Variants in TRIO observed in about 807,000 individuals in gnomAD.
TRIO encodes triple functional domain protein.
A neutral mutation model predicts 351.9 loss-of-function variants in TRIO; 58 were observed. The observed-to-expected ratio is 0.16, with a 90% CI of 0.13 to 0.21. TRIO has a LOEUF of 0.21. Ranked by LOEUF, TRIO falls within the 10% of genes least tolerant of loss-of-function variation. TRIO has a pLI of 1.00. For synonymous variants in TRIO, 1,758 were observed against 1,595.7 expected, an observed-to-expected ratio of 1.10 and a Z score of -2.42; for missense variants, 3,201 against 4,027.8, an observed-to-expected ratio of 0.79 and a Z score of 5.56.
At chr5:14,155,821 A>C (rs1033714119) in intron 1 of TRIO, among the ~76,000 whole-genome samples, 5 of 152,170 alleles carry the variant, frequency 3.3e-5, no homozygotes, top group Admixed American at 3.3e-4. Context: ...TCCCTTTGTC[A>C]TTAGTTAGCA....
chr5:14,170,005 A>G (rs250842), intron 1 of TRIO, among the ~76,000 whole-genome samples: 102,620 of 152,060 alleles, frequency 0.67, 36,320 homozygotes, highest in African/African-American at 0.9. Context: ...AGCCAATGAA[A>G]TTGGGGAGAG....
intron 31 of TRIO, among the ~76,000 whole-genome samples, chr5:14,401,414 G>A (rs1579544269): frequency 6.6e-6 from 1 of 152,160 alleles, no homozygotes; most frequent in Non-Finnish European, 1.5e-5. Flanking sequence ...CTCTGATTGC[G>A]CACTTGACCT....
Position 14,488,172 on chromosome 5 carries a change from G to C in TRIO, c.7544G>C (p.Arg2515Pro), listed in dbSNP as rs1049938411. The C allele has an allele frequency of 1.2e-6, 2 of 1,602,398 alleles. No homozygotes were observed. The highest frequency in any genetic ancestry group is 1.7e-6 in the Non-Finnish European group (2 of 1,179,058). ...GACTCCCTCCAGCGGCAGACACCCC[G>C]CCACGCGGCCCCTGGCAAGGATACT... is the stretch of plus-strand genomic sequence containing the variant. ...DSDSLQRQTP[R>P]HAAPGKDTDR... The change falls in exon 48 of 57, where the codon CGC becomes CCC. Residue 2515 changes from arginine to proline, a missense_variant. Physicochemically the swap from Arg to Pro is moderately radical, Grantham distance 103. Transcript: ENST00000344204.
chr5:14,185,251 T>A (rs779381816), intron 1 of TRIO, among the ~76,000 whole-genome samples: 2 of 150,320 alleles, frequency 1.3e-5, no homozygotes, highest in Non-Finnish European at 2.9e-5. Context: ...ACAGTGAAAG[T>A]TCTGGAGGAT....
intron 11 of TRIO, among the ~76,000 whole-genome samples, chr5:14,337,877 C>A (rs973786096): frequency 2.6e-5 from 4 of 152,284 alleles, no homozygotes; most frequent in Non-Finnish European, 5.9e-5. Flanking sequence ...CCCGGGCTGG[C>A]AGCTGGCTCT....
intron 46 of TRIO, among the ~76,000 whole-genome samples, chr5:14,484,637 A>T (rs1021500476): frequency 1.3e-5 from 2 of 152,176 alleles, no homozygotes; most frequent in Non-Finnish European, 1.5e-5. Context: ...TAAATGTTCC[A>T]TCTTTAATTA....
At chr5:14,401,126 G>A in intron 31 of TRIO, 62 bp downstream of exon 31, 1 of 1,381,022 alleles carries the variant, frequency 7.2e-7, no homozygotes, top group South Asian at 1.2e-5. Context: ...ATCCATGCTT[G>A]CTTTTCCGTT....
chr5:14,476,813 AAAAAG>A, intron 40 of TRIO, 76 bp from the exon 41 acceptor site: 2 of 1,241,862 alleles, frequency 1.6e-6, no homozygotes, highest in Non-Finnish European at 2.2e-6. Flanking sequence ...AGAAAAAAAG[AAAAAG>A]AAAAAATGTA....
At chr5:14,257,233 C>T (rs553053715) in intron 1 of TRIO, among the ~76,000 whole-genome samples, 137 of 152,334 alleles carry the variant, frequency 9.0e-4, no homozygotes, top group Non-Finnish European at 1.4e-3. Context: ...GGCACCTCCA[C>T]CAGATCCAGG....
At chr5:14,303,006 G>A (rs554548532) in intron 7 of TRIO, among the ~76,000 whole-genome samples, 2 of 152,316 alleles carry the variant, frequency 1.3e-5, no homozygotes, top group South Asian at 2.1e-4. Flanking sequence ...TGTCAGTGGA[G>A]GAGATTGAGC....
intron 18 of TRIO, among the ~76,000 whole-genome samples, chr5:14,370,176 G>A (rs1744968056): frequency 6.6e-6 from 1 of 150,946 alleles, no homozygotes; most frequent in Admixed American, 6.6e-5. Context: ...CCAGGCTGGA[G>A]TGCAGTAGTG....
chr5:14,203,211 A>AT (rs1478166043), intron 1 of TRIO, among the ~76,000 whole-genome samples: 1 of 152,060 alleles, frequency 6.6e-6, no homozygotes, highest in African/African-American at 2.4e-5. Context: ...TGCATTAAGG[A>AT]TTTTTCCAAA....
At chr5:14,479,187 A>G (rs1397449661) in intron 41 of TRIO, 74 bp from the exon 42 acceptor site, 2 of 1,254,266 alleles carry the variant, frequency 1.6e-6, no homozygotes, top group East Asian at 2.3e-5. Context: ...ATGTGCTGAA[A>G]TGTGCGGGTA....
intron 16 of TRIO, 134 bp downstream of exon 16, chr5:14,367,113 T>C: frequency 3.2e-6 from 4 of 1,253,348 alleles, no homozygotes; most frequent in Non-Finnish European, 4.3e-6. Flanking sequence ...GGACCCAAAT[T>C]GGCAACGCTT....
intron 34 of TRIO, among the ~76,000 whole-genome samples, chr5:14,433,646 T>C (rs1175665714): frequency 1.3e-5 from 2 of 152,234 alleles, no homozygotes; most frequent in African/African-American, 4.8e-5. Context: ...TGTGTGCTCC[T>C]TTTAATAATT....
chr5:14,364,294 A>G (rs1744408769), intron 14 of TRIO, among the ~76,000 whole-genome samples: 1 of 152,230 alleles, frequency 6.6e-6, no homozygotes, highest in Admixed American at 6.5e-5. Flanking sequence ...TTAGAAACTT[A>G]GCAACAACCT....
At chr5:14,283,259 C>A (rs1736159359) in intron 3 of TRIO, among the ~76,000 whole-genome samples, 1 of 152,096 alleles carries the variant, frequency 6.6e-6, no homozygotes, top group Non-Finnish European at 1.5e-5. Flanking sequence ...TGTCTTGGGG[C>A]CTGTGAGACC....
chr5:14,239,010 G>A (rs1417481430), intron 1 of TRIO, among the ~76,000 whole-genome samples: 1 of 152,200 alleles, frequency 6.6e-6, no homozygotes, highest in African/African-American at 2.4e-5. Context: ...GGCTTGTGCT[G>A]TTGGACTTAT....
Position 14,419,814 on chromosome 5 carries a change from G to A in TRIO, c.4996G>A (p.Asp1666Asn), listed in dbSNP as rs1749962897. 1 of 1,614,182 alleles carries A rather than the reference G, an allele frequency of 6.2e-7. No individual in the cohort carries two copies. The highest frequency in any genetic ancestry group is 8.5e-7 in the Non-Finnish European group (1 of 1,180,044). ...CTGTGAGCTGACAGTGGTGATCCAT[G>A]ACTTCACCGCTTGCAACAGCAACGA... is the stretch of plus-strand genomic sequence containing the variant. ...GGCELTVVIH[D>N]FTACNSNELT... Residue 1666 changes from aspartate to asparagine, a missense_variant, in exon 34 of 57, where the codon GAC becomes AAC. Physicochemically the swap from Asp to Asn is conservative, Grantham distance 23 (BLOSUM62 1). Around this residue, in one of 19 missense-constraint regions of TRIO, gnomAD observed 136 missense variants for 229.5 expected, o/e 0.59. Transcript: ENST00000344204.
Sources: allele counts gnomAD v4.1 joint callset (sites outside exome capture counted in the v4.1 genomes callset), GRCh38; gene constraint gnomAD v4.1.1; regional missense constraint gnomAD v4.1.1; transcripts MANE v1.5; gene names NCBI Gene and HGNC (gene_info 2026-07-23, HGNC 2026-07-21).